The following SIPA1L2 variants were observed in gnomAD, a reference collection of about 807,000 sequenced individuals.
SIPA1L2 encodes the protein signal induced proliferation associated 1 like 2.
In SIPA1L2, 56 loss-of-function variants were observed where a neutral mutation model predicts 163.9. The ratio of observed to expected loss-of-function variants is 0.34; its 90% CI spans 0.28 to 0.43. SIPA1L2 has a LOEUF of 0.43. Among genes scored for constraint, SIPA1L2 ranks in the 20% least tolerant of loss-of-function variants. SIPA1L2 has a pLI of 1.00. For missense variants in SIPA1L2, 1,974 were observed against 2,193.5 expected, an observed-to-expected ratio of 0.90 and a Z score of 2.00; for synonymous variants, 877 against 865.7, an observed-to-expected ratio of 1.01 and a Z score of -0.23.
chr1:232,598,984 C>A (rs1034907289), intron 1 of SIPA1L2, among the ~76,000 whole-genome samples: 19 of 92,536 alleles, frequency 2.1e-4, no homozygotes, highest in African/African-American at 4.9e-4. Flanking sequence ...AAAAAAAAAA[C>A]TTCCAAATCC....
chr1:232,591,193 T>C (rs1660940514), intron 1 of SIPA1L2, among the ~76,000 whole-genome samples: 1 of 152,230 alleles, frequency 6.6e-6, no homozygotes, highest in East Asian at 1.9e-4. Context: ...TGGAAAGAGT[T>C]AGTTAAACAA....
intron 2 of SIPA1L2, among the ~76,000 whole-genome samples, chr1:232,536,175 A>G (rs1362557419): frequency 1.3e-5 from 2 of 152,204 alleles, no homozygotes; most frequent in African/African-American, 2.4e-5. Context: ...AAACAAGTCT[A>G]TGTTATCTAA....
At chr1:232,508,619 AC>A (rs1666839488) in intron 3 of SIPA1L2, among the ~76,000 whole-genome samples, 2 of 152,236 alleles carry the variant, frequency 1.3e-5, no homozygotes, top group Non-Finnish European at 2.9e-5. Context: ...ACCCTTTGTC[AC>A]AGCCTGTTTC....
intron 18 of SIPA1L2, among the ~76,000 whole-genome samples, chr1:232,418,495 C>T (rs1661389291): frequency 6.6e-6 from 1 of 152,180 alleles, no homozygotes; most frequent in African/African-American, 2.4e-5. Flanking sequence ...TCTTTGTGGC[C>T]CACAGTGCGT....
chr1:232,518,734 T>G (rs1368589198), intron 2 of SIPA1L2, among the ~76,000 whole-genome samples: 1 of 152,194 alleles, frequency 6.6e-6, no homozygotes, highest in Admixed American at 6.5e-5. Context: ...CCATGCCTTC[T>G]AAGGACTTCC....
intron 16 of SIPA1L2, among the ~76,000 whole-genome samples, chr1:232,430,384 A>C (rs1662159866): frequency 6.6e-6 from 1 of 152,262 alleles, no homozygotes; most frequent in East Asian, 1.9e-4. Flanking sequence ...TAAAAATGTA[A>C]GATGATATTA....
intron 16 of SIPA1L2, among the ~76,000 whole-genome samples, chr1:232,430,367 T>C (rs183545263): frequency 1.1e-4 from 16 of 152,352 alleles, no homozygotes; most frequent in East Asian, 1.9e-4. Flanking sequence ...CATTCGCTGA[T>C]ATTATTTAAA....
chr1:232,457,768 C>T lies in SIPA1L2; in HGVS notation c.3095+3119G>A, dbSNP rs369215404. On this transcript the variant is annotated intron_variant, in intron 10 of 22. Coordinates refer to ENST00000674635, the MANE Select transcript of SIPA1L2 (RefSeq NM_020808.5). Reference sequence around the variant, plus strand: ...TTAACAAATCTAATAATGCAGAAGGCTAAACATGCTGAGCGCGAGGGTGAA... The same window carrying T: ...TTAACAAATCTAATAATGCAGAAGGTTAAACATGCTGAGCGCGAGGGTGAA... 3.9e-5 allele frequency among the ~76,000 whole-genome samples: 6 copies of T among 152,294 alleles called. No individual in the cohort carries two copies. The South Asian group carries it at 8.3e-4, about 21-fold the overall frequency.
intron 2 of SIPA1L2, among the ~76,000 whole-genome samples, chr1:232,525,401 ATTTTTTTTTTTTTTT>A (rs59155660): frequency 7.8e-6 from 1 of 127,662 alleles, no homozygotes; most frequent in African/African-American, 3.2e-5. Context: ...AAGCCTGGCT[ATTTTTTTTTTTTTTT>A]TTTTTTTTTT....
chr1:232,531,735 C>T (rs908078457), intron 2 of SIPA1L2, among the ~76,000 whole-genome samples: 1 of 152,138 alleles, frequency 6.6e-6, no homozygotes, highest in African/African-American at 2.4e-5. Context: ...TTCAAAGCGA[C>T]TGCTATCATG....
intron 4 of SIPA1L2, 85 bp downstream of exon 4, chr1:232,493,442 G>T: frequency 2.0e-6 from 3 of 1,489,398 alleles, no homozygotes; most frequent in Admixed American, 2.1e-5. Flanking sequence ...AATAAATTCA[G>T]TACCCTATCT....
Position 232,513,838 on chromosome 1 carries a change from G to T in SIPA1L2, c.1483+19C>A. The T allele has an allele frequency of 1.3e-6, 2 of 1,538,462 alleles. No homozygotes were observed. The highest frequency in any genetic ancestry group is 8.7e-7 in the Non-Finnish European group (1 of 1,147,624). On this transcript the variant is annotated intron_variant, in intron 3 of 22. Coordinates refer to ENST00000674635, the MANE Select transcript of SIPA1L2 (RefSeq NM_020808.5). ...AACTACTCCCGAGACACATGCAAACGCCCATGGCTCTTCCTTACCTTTCCC... is the reference window on the plus strand; with the variant it reads ...AACTACTCCCGAGACACATGCAAACTCCCATGGCTCTTCCTTACCTTTCCC...
At chr1:232,413,677 T>C (rs904071594) in intron 19 of SIPA1L2, among the ~76,000 whole-genome samples, 1 of 152,230 alleles carries the variant, frequency 6.6e-6, no homozygotes, top group Non-Finnish European at 1.5e-5. Flanking sequence ...TATCTTGATA[T>C]GTATTTTTGA....
intron 10 of SIPA1L2, among the ~76,000 whole-genome samples, chr1:232,449,327 G>C (rs1275966750): frequency 6.6e-6 from 1 of 151,144 alleles, no homozygotes; most frequent in Non-Finnish European, 1.5e-5. Context: ...GACCATCCTG[G>C]CTAACATGGT....
At chr1:232,580,049 G>C (rs1386661043) in intron 1 of SIPA1L2, among the ~76,000 whole-genome samples, 1 of 152,190 alleles carries the variant, frequency 6.6e-6, no homozygotes, top group Non-Finnish European at 1.5e-5. Context: ...AGGAGCATGG[G>C]CTGCTCAACT....
intron 2 of SIPA1L2, among the ~76,000 whole-genome samples, chr1:232,548,253 T>C (rs1658159534): frequency 6.6e-6 from 1 of 152,202 alleles, no homozygotes; most frequent in Non-Finnish European, 1.5e-5. Context: ...ATTCGAGAAC[T>C]GTATGGCTTT....
chr1:232,543,649 G>T (rs2103114929), intron 2 of SIPA1L2, among the ~76,000 whole-genome samples: 1 of 152,336 alleles, frequency 6.6e-6, no homozygotes, highest in Non-Finnish European at 1.5e-5. Flanking sequence ...AGGGAGGACA[G>T]CCTGAGGCCA....
intron 2 of SIPA1L2, among the ~76,000 whole-genome samples, chr1:232,568,124 C>T (rs1659509462): frequency 6.6e-6 from 1 of 152,194 alleles, no homozygotes; most frequent in Non-Finnish European, 1.5e-5. Context: ...CTAAGAGCTT[C>T]CCTGAGTTCA....
intron 1 of SIPA1L2, among the ~76,000 whole-genome samples, chr1:232,577,236 G>T (rs1660126066): frequency 6.6e-6 from 1 of 152,138 alleles, no homozygotes; most frequent in South Asian, 2.1e-4. Flanking sequence ...AACAAAGCCT[G>T]GATGACAGCA....
Sources: allele counts gnomAD v4.1 joint callset (sites outside exome capture counted in the v4.1 genomes callset), GRCh38; gene constraint gnomAD v4.1.1; transcripts MANE v1.5; gene names NCBI Gene and HGNC (gene_info 2026-07-23, HGNC 2026-07-21).